Variants in WDR6 observed in about 807,000 individuals in gnomAD.
WDR6 encodes WD repeat domain 6.
A neutral mutation model predicts 85.6 loss-of-function variants in WDR6; 58 were observed. That is an observed-to-expected ratio of 0.68 (90% CI 0.55 to 0.84). WDR6 has a LOEUF of 0.84. Ranked by LOEUF, WDR6 falls within the 40% of genes least tolerant of loss-of-function variation. The pLI, the probability that WDR6 is intolerant of heterozygous loss-of-function variation, is 0.00. For missense variants in WDR6, 1,310 were observed against 1,476.4 expected (o/e 0.89, Z 1.85); for synonymous variants, 569 against 582.2 (o/e 0.98, Z 0.33).
chr3:49,014,336 A>G lies in WDR6; in HGVS notation c.2666+43A>G. ...AGTGGGACAGGAGACAAAGGAAGTA[A>G]GGTTGTCTAGGATGCGTTCTGAGCT... On this transcript the variant is annotated intron_variant, in intron 3 of 5. Coordinates refer to ENST00000608424, the MANE Select transcript of WDR6 (RefSeq NM_018031.6). The surrounding 1 kb of genome is among the most constrained non-coding windows in gnomAD (Gnocchi z 4.9). 2.5e-6 allele frequency: 4 copies of G among 1,614,032 alleles called. No individual in the cohort carries two copies. The highest frequency in any genetic ancestry group is 3.4e-6 in the Non-Finnish European group (4 of 1,179,978).
intron 1 of WDR6, among the ~76,000 whole-genome samples, chr3:49,010,499 G>T (rs994060046): frequency 1.3e-5 from 2 of 151,930 alleles, no homozygotes; most frequent in Non-Finnish European, 2.9e-5. Context: ...GTGGATCACC[G>T]CAGGTCAGGA....
Position 49,014,760 on chromosome 3 carries a change from G to A in WDR6, c.2902+42G>A. ...CAACCATGGCTACCCCTCCTCACCT[G>A]TCACATAGCCCTCACACATGTGGCA... is the stretch of plus-strand genomic sequence containing the variant. On this transcript the variant is annotated intron_variant, in intron 5 of 5. Transcript: ENST00000608424. This position sits in a 1 kb window ranked among gnomAD's most constrained non-coding sequence, Gnocchi z 4.9. The A allele has an allele frequency of 6.2e-7, 1 of 1,611,110 alleles. No individual in the cohort carries two copies.
chr3:49,015,121 CG>C lies in WDR6; in HGVS notation c.3201del (p.Leu1068Ter), dbSNP rs750804578. 1 of 1,613,992 alleles carries C rather than the reference CG, an allele frequency of 6.2e-7. No individual in the cohort carries two copies. The highest frequency in any genetic ancestry group is 8.5e-7 in the Non-Finnish European group (1 of 1,180,028). On this transcript the variant is annotated frameshift_variant, in exon 6 of 6. Coordinates refer to ENST00000608424, the MANE Select transcript of WDR6 (RefSeq NM_018031.6). LOFTEE classifies it high-confidence loss of function. ...CATGGTCTCAGCCTCCATTGATCAA[CG>C]GCTGACCTTCTGGCGTCTGGGGCAT... Reference protein sequence around the residue: ...SIMVSASIDQRLTFWRLGHGE... With the variant: ...SIMVSASIDQXLTFWRLGHGE...
Position 49,013,977 on chromosome 3 carries a change from A to G in WDR6, c.2443A>G (p.Ser815Gly). The change falls in exon 2 of 6, where the codon AGC (serine) becomes GGC (glycine). Residue 815 changes from serine to glycine, a missense_variant. Ser to Gly is a moderately conservative substitution (Grantham distance 56). Transcript: ENST00000608424. The surrounding 1 kb of genome is among the most constrained non-coding windows in gnomAD (Gnocchi z 4.6). ...AGGRAEMHCF[S>G]IMVTPDPSTP... is the part of the protein sequence containing the mutation. Reference sequence around the variant, plus strand: ...GGGGCGGGCTGAGATGCACTGCTTCAGCATCATGGTTACTCCGGACCCCAG... The same window carrying G: ...GGGGCGGGCTGAGATGCACTGCTTCGGCATCATGGTTACTCCGGACCCCAG... The G allele has an allele frequency of 6.2e-7, 1 of 1,612,000 alleles. No individual in the cohort carries two copies. The highest frequency in any genetic ancestry group is 8.5e-7 in the Non-Finnish European group (1 of 1,179,964).
Position 49,014,989 on chromosome 3 carries a change from G to A in WDR6, c.3067G>A (p.Val1023Met), listed in dbSNP as rs137858477. The part of the protein sequence containing the change: ...AVEMLQLEEA[V>M]GEAGLVPQLR... ...GGAGATGCTACAGCTAGAAGAGGCTGTGGGAGAGGCTGGGCTGGTACCCCA... is the reference window on the plus strand; with the variant it reads ...GGAGATGCTACAGCTAGAAGAGGCTATGGGAGAGGCTGGGCTGGTACCCCA... Residue 1023 changes from valine (V) to methionine (M), a missense_variant, in exon 6 of 6, where the codon GTG becomes ATG. Val to Met is a conservative substitution (Grantham distance 21). Transcript: ENST00000608424. This position sits in a 1 kb window ranked among gnomAD's most constrained non-coding sequence, Gnocchi z 4.9. The A allele has an allele frequency of 1.1e-3, 1,814 of 1,614,170 alleles. 22 individuals carry two copies. The African/African-American group carries it at 0.021, about 19-fold the overall frequency.
At chr3:49,011,394 C>CT (rs369551484) in intron 1 of WDR6, 182,431 of 1,055,300 alleles carry the variant, frequency 0.17, 63 homozygotes, top group South Asian at 0.21. Flanking sequence ...CAAGGATTTT[C>CT]TTTTTTTTTT....
At position 49,014,305 on chromosome 3, in the gene WDR6, G is replaced by A; in HGVS notation, c.2666+12G>A. 3 of 1,614,138 alleles carry A rather than the reference G, an allele frequency of 1.9e-6. No individual in the cohort carries two copies. Among genetic ancestry groups the A allele is most frequent in the Non-Finnish European group, 2.5e-6 (3 of 1,180,020 alleles). On this transcript the variant is annotated intron_variant, in intron 3 of 5. Coordinates refer to ENST00000608424, the MANE Select transcript of WDR6 (RefSeq NM_018031.6). The surrounding 1 kb of genome is among the most constrained non-coding windows in gnomAD (Gnocchi z 4.9). ...GATGGGGCCGTAAGGTGAGAGCATA[G>A]GGCCCAGTGGGACAGGAGACAAAGG...
chr3:49,009,200 G>A (rs1384567407), intron 1 of WDR6, among the ~76,000 whole-genome samples: 2 of 151,672 alleles, frequency 1.3e-5, no homozygotes, highest in African/African-American at 4.9e-5. Flanking sequence ...CTCTTCCTGA[G>A]CTCTTCATTT....
chr3:49,015,436 G>T lies in WDR6; in HGVS notation c.*148G>T. ...CCTGATGTCGGTGCAGGAGCTGAAG[G>T]TGAGTGGAGTGCTGCCAAGAATATG... On this transcript the variant is annotated 3_prime_UTR_variant, in exon 6 of 6. Coordinates refer to ENST00000608424, the MANE Select transcript of WDR6 (RefSeq NM_018031.6). The T allele has an allele frequency of 1.4e-6, 2 of 1,402,214 alleles. No individual in the cohort carries two copies. Among genetic ancestry groups the T allele is most frequent in the Non-Finnish European group, 2.0e-6 (2 of 1,018,994 alleles). 86.9% of individuals were successfully genotyped at this position (1,402,214 alleles called of 1,614,324 possible). A position where few individuals can be genotyped will look rare whatever the true frequency, so the allele number is the denominator to read the frequency against.
At position 49,014,906 on chromosome 3, in the gene WDR6, A is replaced by T. The variant is rs2093043421; in HGVS notation, c.2984A>T (p.His995Leu). Residue 995 changes from histidine (H) to leucine (L), a missense_variant, in exon 6 of 6, where the codon CAC becomes CTC. His to Leu is a moderately conservative substitution (Grantham distance 99, BLOSUM62 -3). Coordinates refer to ENST00000608424, the MANE Select transcript of WDR6 (RefSeq NM_018031.6). The surrounding 1 kb of genome is among the most constrained non-coding windows in gnomAD (Gnocchi z 4.9). ...SLHTLPTREG[H>L]HLVASGSEDG... ...CACACCTTGCCCACCCGTGAGGGCC[A>T]CCATCTCGTGGCCAGTGGCAGTGAA... 1 of 1,613,818 alleles carries T rather than the reference A, an allele frequency of 6.2e-7. No individual in the cohort carries two copies. The highest frequency in any genetic ancestry group is 8.5e-7 in the Non-Finnish European group (1 of 1,179,950).
chr3:49,015,349 G>C lies in WDR6; in HGVS notation c.*61G>C. The C allele has an allele frequency of 6.4e-7, 1 of 1,565,548 alleles. No individual in the cohort carries two copies. The highest frequency in any genetic ancestry group is 1.7e-5 in the Admixed American group (1 of 58,928). ...CCTGCTCACAGACAGCATGGAGCAG[G>C]GATGGGCTGTCTGTGCCCATGCTCA... On this transcript the variant is annotated 3_prime_UTR_variant, in exon 6 of 6. Transcript: ENST00000608424.
At position 49,014,305 on chromosome 3, in the gene WDR6, G is replaced by C; in HGVS notation, c.2666+12G>C. The C allele has an allele frequency of 6.2e-7, 1 of 1,614,138 alleles. No individual in the cohort carries two copies. Among genetic ancestry groups the C allele is most frequent in the Non-Finnish European group, 8.5e-7 (1 of 1,180,020 alleles). On this transcript the variant is annotated intron_variant, in intron 3 of 5. Transcript: ENST00000608424. This position sits in a 1 kb window ranked among gnomAD's most constrained non-coding sequence, Gnocchi z 4.9. ...GATGGGGCCGTAAGGTGAGAGCATA[G>C]GGCCCAGTGGGACAGGAGACAAAGG...
Position 49,014,844 on chromosome 3 carries a change from G to C in WDR6, c.2922G>C (p.Leu974=), listed in dbSNP as rs776841616. Residue 974 remains leucine (L), a synonymous_variant, in exon 6 of 6, where the codon CTG becomes CTC. Coordinates refer to ENST00000608424, the MANE Select transcript of WDR6 (RefSeq NM_018031.6). The surrounding 1 kb of genome is among the most constrained non-coding windows in gnomAD (Gnocchi z 4.9). ...CTTCAGGGCTTGGCACCCCCTCCCT[G>C]ACTCTCCAGGCCCACAGCTGTGGTA... ...GLPYRLGTPS[L]TLQAHSCGIN... is the part of the protein sequence containing the mutation. The C allele has an allele frequency of 2.5e-6, 4 of 1,604,760 alleles. No individual in the cohort carries two copies. In the South Asian group the frequency reaches 3.3e-5, roughly 13 times the overall value.
At chr3:49,010,772 C>T (rs889550529) in intron 1 of WDR6, among the ~76,000 whole-genome samples, 4 of 151,946 alleles carry the variant, frequency 2.6e-5, no homozygotes, top group African/African-American at 9.7e-5. Context: ...ATGGCCTGAA[C>T]CCGGGAGGTG....
At position 49,012,072 on chromosome 3, in the gene WDR6, G is replaced by A. The variant is rs776363939; in HGVS notation, c.538G>A (p.Val180Ile). The change falls in exon 2 of 6, where the codon GTT becomes ATT. Residue 180 changes from valine to isoleucine, a missense_variant. Physicochemically the swap from Val to Ile is conservative, Grantham distance 29. Coordinates refer to ENST00000608424, the MANE Select transcript of WDR6 (RefSeq NM_018031.6). The surrounding 1 kb of genome is among the most constrained non-coding windows in gnomAD (Gnocchi z 4.4). ...GGAGCTGACCATAGTGGCAGGTGCT[G>A]TTTCCAACCAGCTCTTGGTCTGGTA... ...WKELTIVAGA[V>I]SNQLLVWYPA... is the part of the protein sequence containing the mutation. The A allele has an allele frequency of 6.2e-7, 1 of 1,613,728 alleles. No homozygotes were observed. The highest frequency in any genetic ancestry group is 2.2e-5 in the East Asian group (1 of 44,884).
rs761175620 is a variant in WDR6 at position 49,013,128 on chromosome 3, G to GGC, written c.1595_1596dup (p.Lys533AlafsTer11). On this transcript the variant is annotated frameshift_variant, in exon 2 of 6. Transcript: ENST00000608424. LOFTEE classifies it high-confidence loss of function. The surrounding 1 kb of genome is among the most constrained non-coding windows in gnomAD (Gnocchi z 4.6). ...TCTGCTCAAGGACCCTGGGGTGGGA[G>GGC]GCAAGGCTCGGGCTGGTGCTGGGGC... 6.2e-7 allele frequency: 1 copy of GGC among 1,607,716 alleles called. No individual in the cohort carries two copies. Among genetic ancestry groups the GGC allele is most frequent in the Non-Finnish European group, 8.5e-7 (1 of 1,175,904 alleles).
intron 1 of WDR6, among the ~76,000 whole-genome samples, chr3:49,010,108 T>C (rs1489603760): frequency 6.6e-6 from 1 of 151,766 alleles, no homozygotes; most frequent in Admixed American, 6.6e-5. Flanking sequence ...GAAGTGAACA[T>C]CAAGCGTGAC....
At chr3:49,011,392 TTC>T in intron 1 of WDR6, 1 of 1,421,118 alleles carries the variant, frequency 7.0e-7, no homozygotes, top group Non-Finnish European at 9.4e-7. Flanking sequence ...ACCAAGGATT[TTC>T]TTTTTTTTTT....
intron 1 of WDR6, among the ~76,000 whole-genome samples, chr3:49,009,178 G>T (rs746391631): frequency 6.6e-6 from 1 of 151,766 alleles, no homozygotes; most frequent in Non-Finnish European, 1.5e-5. Flanking sequence ...CACCATACCC[G>T]GCCTCTCTAG....
Sources: gnomAD v4.1 joint callset for allele counts (sites outside exome capture counted in the v4.1 genomes callset) on GRCh38, gnomAD v4.1.1 for gene constraint, Gnocchi (gnomAD v3.1) non-coding constraint, MANE v1.5 for transcripts, NCBI Gene and HGNC (gene_info 2026-07-23, HGNC 2026-07-21) for gene names.